The following TYW1B variants were observed in gnomAD, a reference collection of about 807,000 sequenced individuals.
TYW1B encodes tRNA-yW synthesizing protein 1 homolog B.
TYW1B carries 73 observed loss-of-function variants against 86.9 expected under a neutral mutation model. The ratio of observed to expected loss-of-function variants is 0.84; its 90% CI spans 0.70 to 1.02. The LOEUF (loss-of-function observed/expected upper bound fraction) is 1.02, where lower values mean the gene tolerates loss of function less well. Ranked by LOEUF, TYW1B falls within the 50% of genes least tolerant of loss-of-function variation. The pLI, the probability that TYW1B is intolerant of heterozygous loss-of-function variation, is 0.00. For missense variants in TYW1B, 637 were observed against 827.4 expected (o/e 0.77, Z 2.82); for synonymous variants, 248 against 292.8 (o/e 0.85, Z 1.56).
At chr7:72,717,646 C>T (rs1299636299) in intron 9 of TYW1B, among the ~76,000 whole-genome samples, 2 of 31,422 alleles carry the variant, frequency 6.4e-5, no homozygotes, top group African/African-American at 2.8e-4. Context: ...CTGTGCTTGA[C>T]ACACACACAC....
At chr7:72,814,724 G>A (rs1487293672) in intron 3 of TYW1B, among the ~76,000 whole-genome samples, 1 of 151,796 alleles carries the variant, frequency 6.6e-6, no homozygotes, top group Non-Finnish European at 1.5e-5. Context: ...CCAGAGCCTG[G>A]GTGAGAGAAT....
At position 72,826,947 on chromosome 7, in the gene TYW1B, T is replaced by A; in HGVS notation, c.43A>T (p.Ile15Leu). ...ADTWDLSSPLISLWINRFYIY... is the reference protein window; with the variant it reads ...ADTWDLSSPLLSLWINRFYIY... ...TAAAACCTGTTTATCCATAATGATA[T>A]TAAAGGTGAGGAGAGGTCCCATGTA... The change falls in exon 2 of 14, where the codon ATA (isoleucine) becomes TTA (leucine). Residue 15 changes from isoleucine to leucine, a missense_variant. Ile to Leu is a conservative substitution (Grantham distance 5). Coordinates refer to ENST00000620995, the MANE Select transcript of TYW1B (RefSeq NM_001145440.3). 6.2e-7 allele frequency: 1 copy of A among 1,613,694 alleles called. No individual in the cohort carries two copies. Among genetic ancestry groups the A allele is most frequent in the South Asian group, 1.1e-5 (1 of 90,998 alleles).
chr7:72,613,968 T>G (rs1182157194), intron 13 of TYW1B, among the ~76,000 whole-genome samples: 3 of 134,776 alleles, frequency 2.2e-5, no homozygotes, highest in Non-Finnish European at 4.5e-5. Flanking sequence ...TTTCCTCAAA[T>G]GGTTCAGAAA....
At chr7:72,741,971 A>G (rs1198094177) in intron 8 of TYW1B, among the ~76,000 whole-genome samples, 4 of 152,204 alleles carry the variant, frequency 2.6e-5, no homozygotes, top group Non-Finnish European at 5.9e-5. Flanking sequence ...GACCTGCCCT[A>G]CGATAAATGC....
intron 11 of TYW1B, among the ~76,000 whole-genome samples, chr7:72,645,787 G>A (rs1201207345): frequency 6.6e-6 from 1 of 151,938 alleles, no homozygotes; most frequent in East Asian, 1.9e-4. Flanking sequence ...TGATGACCAG[G>A]AAAGAACTCT....
chr7:72,728,463 T>C (rs1283885887), intron 9 of TYW1B, among the ~76,000 whole-genome samples: 1 of 152,178 alleles, frequency 6.6e-6, no homozygotes, highest in South Asian at 2.1e-4. Flanking sequence ...ACCACCATCA[T>C]GCCCAGTTAA....
At chr7:72,747,184 T>TG (rs1266426803) in intron 7 of TYW1B, among the ~76,000 whole-genome samples, 1 of 152,208 alleles carries the variant, frequency 6.6e-6, no homozygotes, top group Non-Finnish European at 1.5e-5. Context: ...GGGAGAGACC[T>TG]GGGGAGGAAC....
chr7:72,674,290 A>G (rs1408317526), intron 11 of TYW1B, among the ~76,000 whole-genome samples: 4 of 152,120 alleles, frequency 2.6e-5, no homozygotes, highest in African/African-American at 9.7e-5. Flanking sequence ...TAGGATCAAG[A>G]GGAAGAAGTG....
At chr7:72,803,111 C>T (rs571015281) in intron 5 of TYW1B, among the ~76,000 whole-genome samples, 4 of 152,124 alleles carry the variant, frequency 2.6e-5, no homozygotes, top group African/African-American at 9.6e-5. Context: ...GTAGCACATG[C>T]CTATAATCCC....
At chr7:72,748,296 T>C (rs1268216995) in intron 7 of TYW1B, among the ~76,000 whole-genome samples, 1 of 152,088 alleles carries the variant, frequency 6.6e-6, no homozygotes, top group Non-Finnish European at 1.5e-5. Context: ...ATACAATTGA[T>C]TTTTGTGCTT....
At chr7:72,757,933 T>C (rs1787620178) in intron 7 of TYW1B, among the ~76,000 whole-genome samples, 1 of 152,174 alleles carries the variant, frequency 6.6e-6, no homozygotes, top group Admixed American at 6.6e-5. Flanking sequence ...TTTTCCTTTA[T>C]AGCTGGGTGT....
At chr7:72,809,496 T>C (rs1235619487) in intron 4 of TYW1B, among the ~76,000 whole-genome samples, 28 of 151,540 alleles carry the variant, frequency 1.8e-4, no homozygotes, top group African/African-American at 5.6e-4. Flanking sequence ...TCTAAAAAAA[T>C]TGAAAGATTA....
At chr7:72,744,170 G>A (rs1309637818) in intron 8 of TYW1B, among the ~76,000 whole-genome samples, 1 of 151,922 alleles carries the variant, frequency 6.6e-6, no homozygotes, top group Admixed American at 6.6e-5. Context: ...CAAAAGGATA[G>A]AATAAAAATA....
intron 13 of TYW1B, among the ~76,000 whole-genome samples, chr7:72,595,389 C>A (rs1230901643): frequency 2.0e-5 from 3 of 152,126 alleles, no homozygotes; most frequent in Admixed American, 6.6e-5. Context: ...ACAGGTTCAT[C>A]AACAATAGCC....
intron 8 of TYW1B, among the ~76,000 whole-genome samples, chr7:72,729,991 C>T (rs140820627): frequency 5.1e-4 from 78 of 152,228 alleles, no homozygotes; most frequent in Non-Finnish European, 9.3e-4. Context: ...ATCACATGTA[C>T]ACTACTATAC....
At chr7:72,578,943 C>T (rs1389876350) in intron 13 of TYW1B, among the ~76,000 whole-genome samples, 3 of 152,120 alleles carry the variant, frequency 2.0e-5, no homozygotes, top group Non-Finnish European at 4.4e-5. Flanking sequence ...TCTGACCCCT[C>T]TGGTTCATAA....
intron 8 of TYW1B, among the ~76,000 whole-genome samples, chr7:72,730,215 T>A (rs1162862152): frequency 3.3e-5 from 5 of 151,892 alleles, no homozygotes; most frequent in Admixed American, 3.3e-4. Flanking sequence ...ACATGATTAG[T>A]TCTCCAGTAA....
At chr7:72,775,243 G>A (rs1787934848) in intron 7 of TYW1B, among the ~76,000 whole-genome samples, 1 of 152,024 alleles carries the variant, frequency 6.6e-6, no homozygotes, top group Non-Finnish European at 1.5e-5. Flanking sequence ...GTGGGGAGGA[G>A]AATATTTGAA....
intron 7 of TYW1B, among the ~76,000 whole-genome samples, chr7:72,745,250 C>G (rs2129571367): frequency 1.3e-5 from 2 of 152,240 alleles, no homozygotes; most frequent in East Asian, 3.9e-4. Flanking sequence ...TCTTGAACTC[C>G]TGGTCTCAAG....
Sources: allele counts gnomAD v4.1 joint callset (sites outside exome capture counted in the v4.1 genomes callset), GRCh38; gene constraint gnomAD v4.1.1; transcripts MANE v1.5; gene names NCBI Gene and HGNC (gene_info 2026-07-23, HGNC 2026-07-21).